Variants in TESK1 observed in about 807,000 individuals in gnomAD.
TESK1 encodes dual specificity testis-specific protein kinase 1.
Under a neutral mutation model 59.9 loss-of-function variants are expected in TESK1, and 18 were observed. The ratio of observed to expected loss-of-function variants is 0.30; its 90% CI spans 0.21 to 0.45. TESK1 has a LOEUF of 0.45. TESK1 is among the 20% of genes least tolerant of loss of function. The pLI, the probability that TESK1 is intolerant of heterozygous loss-of-function variation, is 1.00. For missense variants in TESK1, 748 were observed against 840.9 expected, an observed-to-expected ratio of 0.89 and a Z score of 1.37; for synonymous variants, 341 against 357.4, an observed-to-expected ratio of 0.95 and a Z score of 0.52.
chr9:35,609,430 G>A lies in TESK1; in HGVS notation c.1569G>A (p.Val523=). Residue 523 remains valine (V), a synonymous_variant, in exon 10 of 10, where the codon GTG becomes GTA. Transcript: ENST00000336395. This position sits in a 1 kb window ranked among gnomAD's most constrained non-coding sequence, Gnocchi z 6.7. ...VLNNNPPAVV[V]NSPQGWAGEP... ...ATAACAATCCCCCAGCTGTGGTGGT[G>A]AACTCCCCACAAGGCTGGGCTGGGG... is the stretch of plus-strand genomic sequence containing the variant. 1 of 1,609,064 alleles carries A rather than the reference G, an allele frequency of 6.2e-7. No individual in the cohort carries two copies. The highest frequency in any genetic ancestry group is 1.3e-5 in the African/African-American group (1 of 74,986).
In TESK1 at chr9:35,609,962, CAT is replaced by C. The variant is rs1328282922; in HGVS notation, c.*221_*222del. 2.4e-5 allele frequency: 13 copies of C among 533,892 alleles called. No homozygotes were observed. The highest frequency in any genetic ancestry group is 3.9e-5 in the Non-Finnish European group (12 of 307,018). The allele number at this position is 533,892 out of a possible 1,614,324, so 33.1% of individuals were successfully genotyped here. A position where few individuals can be genotyped will look rare whatever the true frequency, so the allele number is the denominator to read the frequency against. On this transcript the variant is annotated 3_prime_UTR_variant, in exon 10 of 10. Coordinates refer to ENST00000336395, the MANE Select transcript of TESK1 (RefSeq NM_006285.3). This position sits in a 1 kb window ranked among gnomAD's most constrained non-coding sequence, Gnocchi z 6.7. ...TGAACCAGACACAGCATTGCTGACA[CAT>C]GAGACTAACACGTGCAATTATTTAA...
Position 35,607,155 on chromosome 9 carries a change from C to CT in TESK1, c.537+172_538-171insT, listed in dbSNP as rs1454396526. 8.1e-7 allele frequency: 1 copy of CT among 1,230,160 alleles called. No individual in the cohort carries two copies. Among genetic ancestry groups the CT allele is most frequent in the Non-Finnish European group, 1.1e-6 (1 of 877,848 alleles). The allele number at this position is 1,230,160 out of a possible 1,614,324, so 76.2% of individuals were successfully genotyped here. On this transcript the variant is annotated intron_variant, in intron 4 of 9. Transcript: ENST00000336395. This position sits in a 1 kb window ranked among gnomAD's most constrained non-coding sequence, Gnocchi z 4.5. The stretch of plus-strand genomic sequence containing the variant: ...GGGAGTGCTCGGAGGGACTGAGTAG[C>CT]ACCCTGTGTTTGGAGTGTTGGATGA...
In TESK1 at chr9:35,609,944, GAC is replaced by G. The variant is rs200002717; in HGVS notation, c.*206_*207del. On this transcript the variant is annotated 3_prime_UTR_variant, in exon 10 of 10. Coordinates refer to ENST00000336395, the MANE Select transcript of TESK1 (RefSeq NM_006285.3). The surrounding 1 kb of genome is among the most constrained non-coding windows in gnomAD (Gnocchi z 6.7). Reference sequence around the variant, plus strand: ...CGTTCCCGTGGGGATCACTGAACCAGACACAGCATTGCTGACACATGAGACTA... The same window carrying G: ...CGTTCCCGTGGGGATCACTGAACCAGACAGCATTGCTGACACATGAGACTA... The G allele has an allele frequency of 2.8e-3, 1,589 of 571,236 alleles. 22 individuals carry two copies. Among genetic ancestry groups the G allele is most frequent in the African/African-American group, 0.027 (1,445 of 52,916 alleles). The allele number at this position is 571,236 out of a possible 1,614,324, so 35.4% of individuals were successfully genotyped here. A position where few individuals can be genotyped will look rare whatever the true frequency, so the allele number is the denominator to read the frequency against.
intron 3 of TESK1, 83 bp from the exon 4 acceptor site, chr9:35,606,754 G>A (rs761288265): frequency 7.2e-7 from 1 of 1,387,376 alleles, no homozygotes; most frequent in Non-Finnish European, 9.9e-7. Context: ...TGATCCTCGG[G>A]AGTGTCCCCT....
In TESK1 at chr9:35,605,563, C is replaced by G; in HGVS notation, c.-57C>G. The G allele has an allele frequency of 1.9e-6, 1 of 528,206 alleles. No individual in the cohort carries two copies. The highest frequency in any genetic ancestry group is 2.7e-6 in the Non-Finnish European group (1 of 367,742). The allele number at this position is 528,206 out of a possible 1,614,324, so 32.7% of individuals were successfully genotyped here. A position where few individuals can be genotyped will look rare whatever the true frequency, so the allele number is the denominator to read the frequency against. Reference sequence around the variant, plus strand: ...GGCCCGCGCCCATGGCAAGCGCGGCCTGCCCGGGCCCTGGGGACCCTGCCA... The same window carrying G: ...GGCCCGCGCCCATGGCAAGCGCGGCGTGCCCGGGCCCTGGGGACCCTGCCA... On this transcript the variant is annotated 5_prime_UTR_variant, in exon 1 of 10. Coordinates refer to ENST00000336395, the MANE Select transcript of TESK1 (RefSeq NM_006285.3).
Position 35,609,895 on chromosome 9 carries a change from A to C in TESK1, c.*153A>C. 1.1e-6 allele frequency: 1 copy of C among 922,702 alleles called. No homozygotes were observed. The highest frequency in any genetic ancestry group is 1.5e-6 in the Non-Finnish European group (1 of 645,622). 57.2% of individuals were successfully genotyped at this position (922,702 alleles called of 1,614,324 possible). The stretch of plus-strand genomic sequence containing the variant: ...CCAGCATGGACTCAAGGGACAGAGC[A>C]CTTCCAGTCGACCCCCCGGCTCGCG... On this transcript the variant is annotated 3_prime_UTR_variant, in exon 10 of 10. Coordinates refer to ENST00000336395, the MANE Select transcript of TESK1 (RefSeq NM_006285.3). This position sits in a 1 kb window ranked among gnomAD's most constrained non-coding sequence, Gnocchi z 6.7.
chr9:35,609,507 G>T lies in TESK1; in HGVS notation c.1646G>T (p.Arg549Leu). The change falls in exon 10 of 10, where the codon CGG becomes CTG. Residue 549 changes from arginine (R) to leucine (L), a missense_variant. Arg to Leu is a moderately radical substitution (Grantham distance 102, BLOSUM62 -2). This residue lies in a region of TESK1 where 447 missense variants were observed against 466.1 expected (regional missense o/e 0.96). Transcript: ENST00000336395. This position sits in a 1 kb window ranked among gnomAD's most constrained non-coding sequence, Gnocchi z 6.7. ...HSLPRAAALE[R>L]TEPSPPPSAP... ...CTGCCCCGGGCGGCAGCCCTGGAGC[G>T]GACAGAACCCTCGCCACCCCCTTCA... 6.2e-7 allele frequency: 1 copy of T among 1,608,410 alleles called. No individual in the cohort carries two copies. Among genetic ancestry groups the T allele is most frequent in the Non-Finnish European group, 8.5e-7 (1 of 1,176,908 alleles).
chr9:35,607,257 G>A lies in TESK1; in HGVS notation c.538-70G>A. ...GTTATGCTGGAGTGACAGGGCTTTG[G>A]GTTATACATTGGGAGGCCAGACAGC... On this transcript the variant is annotated intron_variant, in intron 4 of 9. Coordinates refer to ENST00000336395, the MANE Select transcript of TESK1 (RefSeq NM_006285.3). This position sits in a 1 kb window ranked among gnomAD's most constrained non-coding sequence, Gnocchi z 4.5. 3.8e-6 allele frequency: 6 copies of A among 1,580,148 alleles called. No homozygotes were observed. Among genetic ancestry groups the A allele is most frequent in the Non-Finnish European group, 5.2e-6 (6 of 1,150,174 alleles).
At chr9:35,605,917 G>C (rs1177847811) in intron 1 of TESK1, 67 bp from the exon 2 acceptor site, 162 of 1,607,506 alleles carry the variant, frequency 1.0e-4, no homozygotes, top group Non-Finnish European at 1.3e-4. Flanking sequence ...GGAGTGCGGG[G>C]AAGAGGGTCC....
intron 3 of TESK1, 90 bp downstream of exon 3, chr9:35,606,375 T>G (rs1822849348): frequency 6.7e-7 from 1 of 1,491,884 alleles, no homozygotes. Context: ...TACGGAGGAC[T>G]AGTGAGAGGC....
At position 35,608,401 on chromosome 9, in the gene TESK1, C is replaced by G; in HGVS notation, c.892C>G (p.Pro298Ala). The G allele has an allele frequency of 6.2e-7, 1 of 1,614,092 alleles. No individual in the cohort carries two copies. Among genetic ancestry groups the G allele is most frequent in the African/African-American group, 1.3e-5 (1 of 75,010 alleles). The change falls in exon 9 of 10, where the codon CCC becomes GCC. Residue 298 changes from proline to alanine, a missense_variant. Transcript: ENST00000336395. ...TCCTGTCTCTACCCATCAGCTGGAA[C>G]CCAGCACCCGTGCCCCCTTCACCGA... ...LLAIHCCNLE[P>A]STRAPFTEIT...
Position 35,609,873 on chromosome 9 carries a change from G to GC in TESK1, c.*132dup. The GC allele has an allele frequency of 1.7e-6, 2 of 1,152,092 alleles. No homozygotes were observed. The highest frequency in any genetic ancestry group is 2.4e-6 in the Non-Finnish European group (2 of 844,616). The allele number at this position is 1,152,092 out of a possible 1,614,324, so 71.4% of individuals were successfully genotyped here. On this transcript the variant is annotated 3_prime_UTR_variant, in exon 10 of 10. Coordinates refer to ENST00000336395, the MANE Select transcript of TESK1 (RefSeq NM_006285.3). The surrounding 1 kb of genome is among the most constrained non-coding windows in gnomAD (Gnocchi z 6.7). ...CTTCTCCCCGTGTAGGGGAGCCCCA[G>GC]CATGGACTCAAGGGACAGAGCACTT...
At position 35,609,655 on chromosome 9, in the gene TESK1, C is replaced by T; in HGVS notation, c.1794C>T (p.Asn598=). The T allele has an allele frequency of 6.2e-7, 1 of 1,606,460 alleles. No individual in the cohort carries two copies. ...TPAVARYRNL[N]CEAGSLLCHR... is the part of the protein sequence containing the mutation. ...CTGTTGCCCGCTACCGCAACCTGAA[C>T]TGTGAGGCGGGCAGTCTCCTCTGCC... The change falls in exon 10 of 10, where the codon AAC becomes AAT. Residue 598 remains asparagine, a synonymous_variant. Coordinates refer to ENST00000336395, the MANE Select transcript of TESK1 (RefSeq NM_006285.3). The surrounding 1 kb of genome is among the most constrained non-coding windows in gnomAD (Gnocchi z 6.7).
chr9:35,606,261 G>A lies in TESK1; in HGVS notation c.366G>A (p.Gln122=). 6.2e-7 allele frequency: 1 copy of A among 1,614,120 alleles called. No individual in the cohort carries two copies. Residue 122 remains glutamine, a synonymous_variant, in exon 3 of 10, where the codon CAG becomes CAA. Transcript: ENST00000336395. Reference sequence around the variant, plus strand: ...GGTTCATGGGAGTCTGTGTGCACCAGGGACAGCTGCACGCTCTTACAGAGG... The same window carrying A: ...GGTTCATGGGAGTCTGTGTGCACCAAGGACAGCTGCACGCTCTTACAGAGG... ...ILRFMGVCVH[Q]GQLHALTEYM... is the part of the protein sequence containing the mutation.
At position 35,609,142 on chromosome 9, in the gene TESK1, G is replaced by C; in HGVS notation, c.1281G>C (p.Gln427His). 6.2e-7 allele frequency: 1 copy of C among 1,613,852 alleles called. No homozygotes were observed. The highest frequency in any genetic ancestry group is 8.5e-7 in the Non-Finnish European group (1 of 1,180,004). Residue 427 changes from glutamine to histidine, a missense_variant, in exon 10 of 10, where the codon CAG (glutamine) becomes CAC (histidine). By Grantham distance (24) the Gln-to-His change is conservative. Transcript: ENST00000336395. This position sits in a 1 kb window ranked among gnomAD's most constrained non-coding sequence, Gnocchi z 6.7. ...TGACCACTCCGGAGACCCTGGTCCA[G>C]CCTGGGACACCTGCCCGCCGCTGCC... The part of the protein sequence containing the change: ...PLVTTPETLV[Q>H]PGTPARRCRS...
rs749495013 is a variant in TESK1 at position 35,607,915 on chromosome 9, C to T, written c.712-13C>T. ...GTTAATTCTTCCCCGACACTATTAT[C>T]TCTGACCCCCAGGCTGATGTCTTTG... On this transcript the variant is annotated splice_polypyrimidine_tract_variant and intron_variant, in intron 6 of 9. Coordinates refer to ENST00000336395, the MANE Select transcript of TESK1 (RefSeq NM_006285.3). The surrounding 1 kb of genome is among the most constrained non-coding windows in gnomAD (Gnocchi z 4.5). 6.2e-7 allele frequency: 1 copy of T among 1,613,470 alleles called. No homozygotes were observed. The highest frequency in any genetic ancestry group is 1.7e-5 in the Admixed American group (1 of 59,962).
chr9:35,607,019 G>A lies in TESK1; in HGVS notation c.537+36G>A, dbSNP rs774185923. On this transcript the variant is annotated intron_variant, in intron 4 of 9. Transcript: ENST00000336395. This position sits in a 1 kb window ranked among gnomAD's most constrained non-coding sequence, Gnocchi z 4.5. Reference sequence around the variant, plus strand: ...AGGGTGGGTGGAGACATGAAAGAGGGTTTGAGGCTATTAGGTTGTAACTGG... The same window carrying A: ...AGGGTGGGTGGAGACATGAAAGAGGATTTGAGGCTATTAGGTTGTAACTGG... 25 of 1,538,854 alleles carry A rather than the reference G, an allele frequency of 1.6e-5. No individual in the cohort carries two copies. The highest frequency in any genetic ancestry group is 2.2e-5 in the Non-Finnish European group (25 of 1,139,552).
In TESK1 at chr9:35,605,770, C is replaced by T. The variant is rs1045408806; in HGVS notation, c.151C>T (p.Leu51=). 11 of 1,610,210 alleles carry T rather than the reference C, an allele frequency of 6.8e-6. No individual in the cohort carries two copies. The highest frequency in any genetic ancestry group is 8.5e-6 in the Non-Finnish European group (10 of 1,178,958). Residue 51 remains leucine, a synonymous_variant, in exon 1 of 10, where the codon CTG becomes TTG. Coordinates refer to ENST00000336395, the MANE Select transcript of TESK1 (RefSeq NM_006285.3). ...GGCTCTCCGCAGCGCCGTGTCTAGCCTGGCGCGTGTGGACGATTTTCACTG... is the reference window on the plus strand; with the variant it reads ...GGCTCTCCGCAGCGCCGTGTCTAGCTTGGCGCGTGTGGACGATTTTCACTG... The part of the protein sequence containing the change: ...YRALRSAVSS[L]ARVDDFHCAE...
Position 35,609,148 on chromosome 9 carries a change from G to A in TESK1, c.1287G>A (p.Gly429=). ...VTTPETLVQP[G]TPARRCRSLP... Reference sequence around the variant, plus strand: ...CTCCGGAGACCCTGGTCCAGCCTGGGACACCTGCCCGCCGCTGCCGCTCAC... The same window carrying A: ...CTCCGGAGACCCTGGTCCAGCCTGGAACACCTGCCCGCCGCTGCCGCTCAC... Residue 429 remains glycine, a synonymous_variant, in exon 10 of 10, where the codon GGG becomes GGA. Coordinates refer to ENST00000336395, the MANE Select transcript of TESK1 (RefSeq NM_006285.3). The surrounding 1 kb of genome is among the most constrained non-coding windows in gnomAD (Gnocchi z 6.7). The A allele has an allele frequency of 6.2e-7, 1 of 1,613,776 alleles. No individual in the cohort carries two copies. Among genetic ancestry groups the A allele is most frequent in the Non-Finnish European group, 8.5e-7 (1 of 1,180,006 alleles).
Sources: gnomAD v4.1 joint callset for allele counts on GRCh38, gnomAD v4.1.1 for gene constraint, gnomAD v4.1.1 regional missense constraint, Gnocchi (gnomAD v3.1) non-coding constraint, MANE v1.5 for transcripts, NCBI Gene and HGNC (gene_info 2026-07-23, HGNC 2026-07-21) for gene names.